RYR1: variants seen among roughly 807,000 people sequenced by gnomAD.
RYR1 encodes the protein central core disease of muscle.
Under a neutral mutation model 583.5 loss-of-function variants are expected in RYR1, and 342 were observed. The ratio of observed to expected loss-of-function variants is 0.59; its 90% confidence interval spans 0.54 to 0.64. The LOEUF is 0.64. Among genes scored for constraint, RYR1 ranks in the 30% least tolerant of loss-of-function variants. The pLI, the probability that RYR1 is intolerant of heterozygous loss-of-function variation, is 0.00. For missense variants in RYR1, 6,032 were observed against 6,917.2 expected, an observed-to-expected ratio of 0.87 and a Z score of 4.54; for synonymous variants, 2,791 against 2,822.5, an observed-to-expected ratio of 0.99 and a Z score of 0.35.
At chr19:38,567,247 C>T (rs1025883895) in intron 92 of RYR1, among the ~76,000 whole-genome samples, 1 of 151,994 alleles carries the variant, frequency 6.6e-6, no homozygotes, top group Admixed American at 6.6e-5. Flanking sequence ...GATCACTTGA[C>T]CCCTGGAGGT....
chr19:38,475,428 A>G lies in RYR1; in HGVS notation c.4271A>G (p.Glu1424Gly). The change falls in exon 29 of 106, where the codon GAG becomes GGG. Residue 1424 changes from glutamate to glycine, a missense_variant. Transcript: ENST00000359596. ...VVPADNRDDP[E>G]IILNTTTYYY... ...CCTGCAGACAACCGCGATGACCCCGAGATCATCCTCAACACCACCACGGTG... is the reference window on the plus strand; with the variant it reads ...CCTGCAGACAACCGCGATGACCCCGGGATCATCCTCAACACCACCACGGTG... The G allele has an allele frequency of 6.2e-7, 1 of 1,613,876 alleles. No homozygotes were observed. The highest frequency in any genetic ancestry group is 8.5e-7 in the Non-Finnish European group (1 of 1,180,026).
intron 9 of RYR1, 86 bp from the exon 10 acceptor site, chr19:38,448,269 A>T: frequency 7.0e-7 from 1 of 1,427,256 alleles, no homozygotes; most frequent in Non-Finnish European, 9.5e-7. Context: ...TGGTTTCTGT[A>T]AAAAAAAGAA....
In RYR1 at chr19:38,467,710, A is replaced by C; in HGVS notation, c.3279A>C (p.Ala1093=). 1 of 1,614,240 alleles carries C rather than the reference A, an allele frequency of 6.2e-7. No individual in the cohort carries two copies. Among genetic ancestry groups the C allele is most frequent in the East Asian group, 2.2e-5 (1 of 44,890 alleles). ...QSGRWYFEFE[A]VTTGEMRVGW... ...GCCGCTGGTACTTCGAGTTTGAAGC[A>C]GTCACCACAGGCGAGATGCGCGTGG... The change falls in exon 25 of 106, where the codon GCA becomes GCC. Residue 1093 remains alanine (A), a synonymous_variant. Coordinates refer to ENST00000359596, the MANE Select transcript of RYR1 (RefSeq NM_000540.3).
At chr19:38,504,133 G>C in intron 49 of RYR1, 87 bp from the exon 50 acceptor site, 1 of 1,422,258 alleles carries the variant, frequency 7.0e-7, no homozygotes, top group Non-Finnish European at 9.7e-7. Context: ...AAAAGCACTG[G>C]CATGCCTGTG....
At position 38,490,867 on chromosome 19, in the gene RYR1, T is replaced by C. The variant is rs993994088; in HGVS notation, c.6127+135T>C. ...ACTATTGGTTGAATGAATGAATGAG[T>C]GAGTGAATGAATGTGTTAGTGAACA... On this transcript the variant is annotated intron_variant, in intron 37 of 105. Coordinates refer to ENST00000359596, the MANE Select transcript of RYR1 (RefSeq NM_000540.3). 5.6e-6 allele frequency: 4 copies of C among 709,836 alleles called. No individual in the cohort carries two copies. In the African/African-American group the frequency reaches 7.0e-5, roughly 12 times the overall value. 44.0% of individuals were successfully genotyped at this position (709,836 alleles called of 1,614,324 possible). A position where few individuals can be genotyped will look rare whatever the true frequency, so the allele number is the denominator to read the frequency against.
At chr19:38,554,571 C>T (rs570707100) in intron 89 of RYR1, among the ~76,000 whole-genome samples, 1 of 151,914 alleles carries the variant, frequency 6.6e-6, no homozygotes, top group African/African-American at 2.4e-5. Context: ...GATTTCAAAA[C>T]ATCTACTATA....
rs201599911 is a variant in RYR1, at chr19:38,469,004, C to T, written c.3420C>T (p.Arg1140=). ...ACTTGGGCAGTGAACCATTTGGGCG[C>T]CCCTGGCAGCCGGGCGATGTCGTTG... is the stretch of plus-strand genomic sequence containing the variant. The part of the protein sequence containing the change: ...RWHLGSEPFG[R]PWQPGDVVGC... Residue 1140 remains arginine (R), a synonymous_variant, in exon 26 of 106, where the codon CGC becomes CGT. Coordinates refer to ENST00000359596, the MANE Select transcript of RYR1 (RefSeq NM_000540.3). The T allele has an allele frequency of 8.8e-5, 142 of 1,614,032 alleles. No individual in the cohort carries two copies. Among genetic ancestry groups the T allele is most frequent in the Non-Finnish European group, 1.1e-4 (135 of 1,180,022 alleles).
At chr19:38,581,131 G>A (rs1974186330) in intron 101 of RYR1, among the ~76,000 whole-genome samples, 1 of 151,824 alleles carries the variant, frequency 6.6e-6, no homozygotes, top group Non-Finnish European at 1.5e-5. Flanking sequence ...AGGCTGGAGT[G>A]CAGTGGCGTG....
chr19:38,587,264 A>G, intron 105 of RYR1, 61 bp from the exon 106 acceptor site: 1 of 1,093,648 alleles, frequency 9.1e-7, no homozygotes, highest in Non-Finnish European at 1.4e-6. Flanking sequence ...AAATATATAT[A>G]TATATATGTC....
rs749340394 is a variant in RYR1, at chr19:38,455,563, G to A, written c.1672+17G>A. ...CCTCGTCTGGTAGGAGAACCCGGGG[G>A]AGTGGGACAGAGGCTTGTGGGAGGG... On this transcript the variant is annotated intron_variant, in intron 15 of 105. Transcript: ENST00000359596. 1.2e-6 allele frequency: 2 copies of A among 1,613,474 alleles called. No individual in the cohort carries two copies. Among genetic ancestry groups the A allele is most frequent in the Admixed American group, 1.7e-5 (1 of 59,994 alleles).
chr19:38,477,376 CAG>C, intron 29 of RYR1, among the ~76,000 whole-genome samples: 1 of 152,250 alleles, frequency 6.6e-6, no homozygotes, highest in African/African-American at 2.4e-5. Flanking sequence ...CTCCTGACCT[CAG>C]GTGATCCACC....
rs56388141 is a variant in RYR1 at position 38,524,186 on chromosome 19, C to CA, written c.10455+274dup. On this transcript the variant is annotated intron_variant, in intron 70 of 105. Coordinates refer to ENST00000359596, the MANE Select transcript of RYR1 (RefSeq NM_000540.3). ...TTTTTTTTTTCTGGACTTTTGTTCC[C>CA]AAAAAAAAAAAAAAAAAGAAAAAAA... is the stretch of plus-strand genomic sequence containing the variant. Among the ~76,000 whole-genome samples, 6,472 of 83,974 alleles carry CA rather than the reference C, an allele frequency of 0.077. 223 individuals are homozygous for CA. Among genetic ancestry groups the CA allele is most frequent in the East Asian group, 0.15 (424 of 2,872 alleles). 55.1% of individuals were successfully genotyped at this position (83,974 alleles called of 152,430 possible). A position where few individuals can be genotyped will look rare whatever the true frequency, so the allele number is the denominator to read the frequency against.
chr19:38,528,620 C>G lies in RYR1; in HGVS notation c.10959C>G (p.Phe3653Leu). ...GCAGGCACCGGGCATGTAACATGTT[C>G]CTGGAGAGCTACAAGGCTGCATGGA... ...NLPTHRACNM[F>L]LESYKAAWIL... The change falls in exon 75 of 106, where the codon TTC becomes TTG. Residue 3653 changes from phenylalanine to leucine, a missense_variant. Phe to Leu is a conservative substitution (Grantham distance 22). This residue lies in a region of RYR1 where 1,493 missense variants were observed against 1,715.5 expected (regional missense o/e 0.87). Transcript: ENST00000359596. 1 of 1,614,150 alleles carries G rather than the reference C, an allele frequency of 6.2e-7. No homozygotes were observed. The highest frequency in any genetic ancestry group is 1.1e-5 in the South Asian group (1 of 91,080).
In RYR1 at chr19:38,522,957, G is replaced by C. The variant is rs980974390; in HGVS notation, c.10260-71G>C. 10 of 1,246,942 alleles carry C rather than the reference G, an allele frequency of 8.0e-6. No individual in the cohort carries two copies. In the African/African-American group the frequency reaches 1.5e-4, roughly 19 times the overall value. The allele number at this position is 1,246,942 out of a possible 1,614,324, so 77.2% of individuals were successfully genotyped here. ...TCCTGGTCCCCATCTCCTCCTCCAA[G>C]ATCTCTCTCTGGGCAGCCCCCTTCC... On this transcript the variant is annotated intron_variant, in intron 67 of 105. Coordinates refer to ENST00000359596, the MANE Select transcript of RYR1 (RefSeq NM_000540.3).
Position 38,483,117 on chromosome 19 carries a change from C to T in RYR1, c.4707+4C>T, listed in dbSNP as rs779492655. 1 of 1,613,828 alleles carries T rather than the reference C, an allele frequency of 6.2e-7. No homozygotes were observed. Among genetic ancestry groups the T allele is most frequent in the African/African-American group, 1.3e-5 (1 of 75,012 alleles). ...GTTTGAGCTGGGGAAGCAGAAGGTA[C>T]AAGTGCAGTGATGGGGGCACTAATG... On this transcript the variant is annotated splice_donor_region_variant and intron_variant, in intron 32 of 105. Coordinates refer to ENST00000359596, the MANE Select transcript of RYR1 (RefSeq NM_000540.3). This position sits in a 1 kb window ranked among gnomAD's most constrained non-coding sequence, Gnocchi z 6.3.
At position 38,494,550 on chromosome 19, in the gene RYR1, G is replaced by A; in HGVS notation, c.6473G>A (p.Cys2158Tyr). The stretch of plus-strand genomic sequence containing the variant: ...GAAGACACCATGAGCCTGCTCGAGT[G>A]CCTCGGCCAGATCCGCTCGCTGCTC... ...SVEDTMSLLE[C>Y]LGQIRSLLIV... The change falls in exon 39 of 106, where the codon TGC becomes TAC. Residue 2158 changes from cysteine (C) to tyrosine (Y), a missense_variant. Transcript: ENST00000359596. The A allele has an allele frequency of 6.2e-7, 1 of 1,614,082 alleles. No homozygotes were observed. The highest frequency in any genetic ancestry group is 8.5e-7 in the Non-Finnish European group (1 of 1,180,038).
intron 27 of RYR1, among the ~76,000 whole-genome samples, chr19:38,472,949 G>A (rs918727772): frequency 6.6e-6 from 1 of 151,340 alleles, no homozygotes; most frequent in Non-Finnish European, 1.5e-5. Flanking sequence ...CCTGTAGGCA[G>A]AGGTTGCGGT....
chr19:38,512,722 G>T lies in RYR1; in HGVS notation c.9472+239G>T, dbSNP rs936317562. On this transcript the variant is annotated intron_variant, in intron 63 of 105. Transcript: ENST00000359596. The surrounding 1 kb of genome is among the most constrained non-coding windows in gnomAD (Gnocchi z 5.1). ...CTCACACCTGTAATTCCAGCACTTT[G>T]GGAGGCTGAGGCAGGAGGACCGCTT... Among the ~76,000 whole-genome samples, 1 of 152,152 alleles carries T rather than the reference G, an allele frequency of 6.6e-6. No homozygotes were observed. The highest frequency in any genetic ancestry group is 6.6e-5 in the Admixed American group (1 of 15,262).
chr19:38,446,156 C>T (rs1053303319), intron 7 of RYR1, among the ~76,000 whole-genome samples: 4 of 152,050 alleles, frequency 2.6e-5, no homozygotes, highest in Non-Finnish European at 5.9e-5. Flanking sequence ...TTTCACCACA[C>T]ACACACTCTG....
Sources: allele counts gnomAD v4.1 joint callset (sites outside exome capture counted in the v4.1 genomes callset), GRCh38; gene constraint gnomAD v4.1.1; regional missense constraint gnomAD v4.1.1; non-coding constraint Gnocchi (gnomAD v3.1); transcripts MANE v1.5; gene names NCBI Gene and HGNC (gene_info 2026-07-23, HGNC 2026-07-21).